G2E3: variants seen among roughly 807,000 people sequenced by gnomAD.
G2E3 encodes the protein G2/M-phase specific E3 ubiquitin protein ligase, also known as G2/M phase-specific E3 ubiquitin-protein ligase.
Under a neutral mutation model 92.8 loss-of-function variants are expected in G2E3, and 35 were observed. The observed-to-expected ratio is 0.38, with a 90% CI of 0.29 to 0.50. The LOEUF is 0.50. Among genes scored for constraint, G2E3 ranks in the 20% least tolerant of loss-of-function variants. The pLI, the probability that G2E3 is intolerant of heterozygous loss-of-function variation, is 0.94. For synonymous variants in G2E3, 242 were observed against 272.4 expected (o/e 0.89, Z 1.10); for missense variants, 554 against 823.8 (o/e 0.67, Z 4.01).
chr14:30,569,258 A>T (rs1024131744), intron 1 of G2E3, among the ~76,000 whole-genome samples: 1 of 152,170 alleles, frequency 6.6e-6, no homozygotes, highest in African/African-American at 2.4e-5. Context: ...TCTTGATCTC[A>T]GAAACTTCTG....
At chr14:30,563,194 A>G (rs1430458051) in intron 1 of G2E3, among the ~76,000 whole-genome samples, 1 of 150,718 alleles carries the variant, frequency 6.6e-6, no homozygotes, top group Non-Finnish European at 1.5e-5. Context: ...GGTATGTTAG[A>G]TGTAATAAAA....
chr14:30,598,467 A>G lies in G2E3; in HGVS notation c.636-16A>G. On this transcript the variant is annotated splice_polypyrimidine_tract_variant and intron_variant, in intron 7 of 14. Transcript: ENST00000206595. The stretch of plus-strand genomic sequence containing the variant: ...TTATTTATAGGTCAAAGCATATTTT[A>G]TATCTTCTTTTATAGAGATGCTTCC... 5 of 1,439,844 alleles carry G rather than the reference A, an allele frequency of 3.5e-6. No homozygotes were observed. Among genetic ancestry groups the G allele is most frequent in the Non-Finnish European group, 2.9e-6 (3 of 1,021,006 alleles). The allele number at this position is 1,439,844 out of a possible 1,614,324, so 89.2% of individuals were successfully genotyped here. A position where few individuals can be genotyped will look rare whatever the true frequency, so the allele number is the denominator to read the frequency against.
intron 1 of G2E3, among the ~76,000 whole-genome samples, chr14:30,567,737 T>G (rs1005445479): frequency 6.6e-6 from 1 of 152,028 alleles, no homozygotes; most frequent in Admixed American, 6.5e-5. Flanking sequence ...GTCATTGTTT[T>G]GGGGGCTTGA....
chr14:30,564,400 A>G (rs1879306213), intron 1 of G2E3, among the ~76,000 whole-genome samples: 1 of 152,170 alleles, frequency 6.6e-6, no homozygotes, highest in Admixed American at 6.5e-5. Context: ...TGGCACAATC[A>G]TAGTTCACTG....
At position 30,615,437 on chromosome 14, in the gene G2E3, G is replaced by A; in HGVS notation, c.1762G>A (p.Glu588Lys). ...TTGTAGCATCCTGTGTCATAAACCT[G>A]AGAGTCTTTCTGCAAAAATCCTTAG... is the stretch of plus-strand genomic sequence containing the variant. ...AFCSILCHKP[E>K]SLSAKILSEL... is the part of the protein sequence containing the mutation. Residue 588 changes from glutamate (E) to lysine (K), a missense_variant, in exon 14 of 15, where the codon GAG (glutamate) becomes AAG (lysine). Glu to Lys is a moderately conservative substitution (Grantham distance 56, BLOSUM62 1). This residue lies in a region of G2E3 where 397 missense variants were observed against 560.3 expected (regional missense o/e 0.71). Coordinates refer to ENST00000206595, the MANE Select transcript of G2E3 (RefSeq NM_017769.5). 1 of 1,610,448 alleles carries A rather than the reference G, an allele frequency of 6.2e-7. No individual in the cohort carries two copies. Among genetic ancestry groups the A allele is most frequent in the Non-Finnish European group, 8.5e-7 (1 of 1,176,954 alleles).
At chr14:30,582,285 A>G (rs1000490674) in intron 2 of G2E3, among the ~76,000 whole-genome samples, 1 of 152,222 alleles carries the variant, frequency 6.6e-6, no homozygotes, top group Non-Finnish European at 1.5e-5. Flanking sequence ...ACCAATCTTA[A>G]TAATAAATAT....
intron 1 of G2E3, among the ~76,000 whole-genome samples, chr14:30,578,846 C>T (rs57795359): frequency 0.025 from 3,770 of 152,204 alleles, 152 homozygotes; most frequent in African/African-American, 0.083. Context: ...GGACTCAACC[C>T]TTCTACACAC....
At chr14:30,577,093 CGTATG>C (rs1566530173) in intron 1 of G2E3, among the ~76,000 whole-genome samples, 1 of 151,796 alleles carries the variant, frequency 6.6e-6, no homozygotes, top group Non-Finnish European at 1.5e-5. Flanking sequence ...GGCGTGGTGG[CGTATG>C]CCTGTAGTCC....
chr14:30,610,905 C>T (rs990777383), intron 12 of G2E3, among the ~76,000 whole-genome samples: 2 of 152,200 alleles, frequency 1.3e-5, no homozygotes, highest in African/African-American at 4.8e-5. Context: ...ACTGCTTTCA[C>T]GCTACAGTGG....
chr14:30,598,620 G>C (rs764088500), intron 8 of G2E3, 21 bp downstream of exon 8: 1 of 1,382,754 alleles, frequency 7.2e-7, no homozygotes, highest in East Asian at 2.3e-5. Flanking sequence ...AAGTTCAGTT[G>C]TGCTTAGTGG....
intron 1 of G2E3, among the ~76,000 whole-genome samples, chr14:30,564,575 C>A (rs1393585455): frequency 6.6e-6 from 1 of 152,116 alleles, no homozygotes; most frequent in African/African-American, 2.4e-5. Context: ...CTCAAGCGAT[C>A]CTTCCACCTC....
intron 1 of G2E3, among the ~76,000 whole-genome samples, chr14:30,570,674 T>C (rs1879705115): frequency 6.6e-6 from 1 of 152,170 alleles, no homozygotes; most frequent in Admixed American, 6.5e-5. Flanking sequence ...CTGCAGAATT[T>C]CTATTTCCTT....
Position 30,598,592 on chromosome 14 carries a change from C to T in G2E3, c.745C>T (p.Pro249Ser). ...CAAAGAAGGGCGAGACTATAATGCA[C>T]CTGATAGGTATTTCTGAAAGTTCAG... The part of the protein sequence containing the change: ...RCKEGRDYNA[P>S]DSKWEIKRCQ... Residue 249 changes from proline to serine, a missense_variant, in exon 8 of 15, where the codon CCT becomes TCT. Physicochemically the swap from Pro to Ser is moderately conservative, Grantham distance 74. Coordinates refer to ENST00000206595, the MANE Select transcript of G2E3 (RefSeq NM_017769.5). The T allele has an allele frequency of 6.3e-7, 1 of 1,585,300 alleles. No homozygotes were observed. The highest frequency in any genetic ancestry group is 1.1e-5 in the South Asian group (1 of 90,508).
chr14:30,602,002 A>G lies in G2E3; in HGVS notation c.881A>G (p.Glu294Gly). 3 of 1,610,986 alleles carry G rather than the reference A, an allele frequency of 1.9e-6. No individual in the cohort carries two copies. Among genetic ancestry groups the G allele is most frequent in the Non-Finnish European group, 1.7e-6 (2 of 1,178,440 alleles). The change falls in exon 10 of 15, where the codon GAG becomes GGG. Residue 294 changes from glutamate (E) to glycine (G), a missense_variant. Glu to Gly is a moderately conservative substitution (Grantham distance 98). Coordinates refer to ENST00000206595, the MANE Select transcript of G2E3 (RefSeq NM_017769.5). ...ECRGIIYNSG[E>G]FQKAKKHVLP... ...ACATGGAAATTTAAATCTGTAGGAG[A>G]GTTCCAAAAAGCCAAAAAACATGTA...
chr14:30,605,586 G>A lies in G2E3; in HGVS notation c.1092G>A (p.Leu364=), dbSNP rs781266362. ...GFQIKKKTKR[L]YINKANIWNS... is the part of the protein sequence containing the mutation. ...AAATTAAAAAAAAAACTAAAAGATT[G>A]TATATCAACAAAGCCAATATCTGGA... Residue 364 remains leucine, a synonymous_variant, in exon 11 of 15, where the codon TTG becomes TTA. Coordinates refer to ENST00000206595, the MANE Select transcript of G2E3 (RefSeq NM_017769.5). The A allele has an allele frequency of 3.3e-6, 5 of 1,517,074 alleles. No homozygotes were observed. The South Asian group carries it at 3.5e-5, about 11-fold the overall frequency. 94.0% of individuals were successfully genotyped at this position (1,517,074 alleles called of 1,614,324 possible). A position where few individuals can be genotyped will look rare whatever the true frequency, so the allele number is the denominator to read the frequency against.
chr14:30,602,173 G>A, intron 10 of G2E3, 42 bp downstream of exon 10: 1 of 1,471,912 alleles, frequency 6.8e-7, no homozygotes. Context: ...AATCTATTTG[G>A]AGAAAATTAT....
intron 4 of G2E3, among the ~76,000 whole-genome samples, chr14:30,591,516 T>A (rs575780903): frequency 6.6e-6 from 1 of 152,266 alleles, no homozygotes; most frequent in Admixed American, 6.5e-5. Context: ...TCAAAAGGGT[T>A]CCTTCTAGAG....
intron 1 of G2E3, among the ~76,000 whole-genome samples, chr14:30,577,120 G>A (rs1265845010): frequency 1.3e-5 from 2 of 151,480 alleles, no homozygotes; most frequent in Admixed American, 6.6e-5. Flanking sequence ...AGCTACTCGG[G>A]AGGCTGAGGC....
intron 14 of G2E3, among the ~76,000 whole-genome samples, 196 bp from the exon 15 acceptor site, chr14:30,616,079 CCTT>C (rs1807801611): frequency 1.3e-5 from 2 of 152,150 alleles, no homozygotes; most frequent in African/African-American, 4.8e-5. Context: ...TTGTATTAGT[CCTT>C]CTACTTTGAG....
Sources: allele counts gnomAD v4.1 joint callset (sites outside exome capture counted in the v4.1 genomes callset), GRCh38; gene constraint gnomAD v4.1.1; regional missense constraint gnomAD v4.1.1; transcripts MANE v1.5; gene names NCBI Gene and HGNC (gene_info 2026-07-23, HGNC 2026-07-21).